BRINP3: variants seen among roughly 807,000 people sequenced by gnomAD.
BRINP3 encodes the protein BMP/retinoic acid inducible neural specific 3, also known as BMP/retinoic acid-inducible neural-specific protein 3.
BRINP3 carries 19 observed loss-of-function variants against 71.0 expected under a neutral mutation model. That is an observed-to-expected ratio of 0.27 (90% CI 0.19 to 0.39). The LOEUF is 0.39. BRINP3 is among the 10% of genes least tolerant of loss of function. BRINP3 has a pLI of 1.00. For missense variants in BRINP3, 959 were observed against 940.8 expected, an observed-to-expected ratio of 1.02 and a Z score of -0.25; for synonymous variants, 380 against 337.7, an observed-to-expected ratio of 1.13 and a Z score of -1.37.
chr1:190,135,533 G>A (rs181287818), intron 7 of BRINP3, among the ~76,000 whole-genome samples: 1 of 152,176 alleles, frequency 6.6e-6, no homozygotes, highest in Non-Finnish European at 1.5e-5. Context: ...TGTAGAAGTA[G>A]CCAGAAATCA....
intron 1 of BRINP3, among the ~76,000 whole-genome samples, chr1:190,470,575 G>C (rs1236631807): frequency 6.6e-6 from 1 of 150,790 alleles, no homozygotes; most frequent in Non-Finnish European, 1.5e-5. Flanking sequence ...TTGCACTGAG[G>C]GTACTTTTTA....
At chr1:190,251,608 G>C (rs764693750) in intron 4 of BRINP3, among the ~76,000 whole-genome samples, 5 of 151,912 alleles carry the variant, frequency 3.3e-5, no homozygotes, top group Non-Finnish European at 5.9e-5. Flanking sequence ...AGATACTTCT[G>C]TCAAACACTT....
intron 3 of BRINP3, among the ~76,000 whole-genome samples, chr1:190,272,778 A>G (rs1302973827): frequency 6.6e-6 from 1 of 151,496 alleles, no homozygotes; most frequent in African/African-American, 2.4e-5. Flanking sequence ...TCTTCTCTAC[A>G]GTATAATTTT....
intron 2 of BRINP3, among the ~76,000 whole-genome samples, chr1:190,305,717 G>A (rs1348229188): frequency 6.6e-6 from 1 of 151,398 alleles, no homozygotes. Flanking sequence ...GAGATATTTT[G>A]AAATATACAG....
At chr1:190,430,830 C>T (rs1344161150) in intron 2 of BRINP3, among the ~76,000 whole-genome samples, 1 of 152,116 alleles carries the variant, frequency 6.6e-6, no homozygotes, top group African/African-American at 2.4e-5. Flanking sequence ...CTGTGTTTCT[C>T]ACTGTTGGAG....
intron 7 of BRINP3, among the ~76,000 whole-genome samples, chr1:190,101,028 C>T (rs1254157412): frequency 6.6e-6 from 1 of 152,138 alleles, no homozygotes; most frequent in Non-Finnish European, 1.5e-5. Flanking sequence ...GTCTTGCCCT[C>T]TCTTTGCTCT....
intron 2 of BRINP3, among the ~76,000 whole-genome samples, chr1:190,301,530 T>TC (rs1664738186): frequency 6.6e-6 from 1 of 151,536 alleles, no homozygotes; most frequent in Non-Finnish European, 1.5e-5. Context: ...TTCATTTATC[T>TC]CTTTCCTTCC....
intron 4 of BRINP3, among the ~76,000 whole-genome samples, chr1:190,255,226 A>G (rs1212930965): frequency 1.3e-5 from 2 of 149,954 alleles, no homozygotes; most frequent in African/African-American, 5.0e-5. Context: ...ATATTGGTCT[A>G]AAATTCTCTC....
intron 7 of BRINP3, among the ~76,000 whole-genome samples, chr1:190,136,883 G>A (rs1314178172): frequency 6.6e-6 from 1 of 151,796 alleles, no homozygotes; most frequent in African/African-American, 2.4e-5. Context: ...TTAAACACTT[G>A]AAATTCAACC....
intron 2 of BRINP3, among the ~76,000 whole-genome samples, chr1:190,344,745 A>T (rs1667900905): frequency 6.6e-6 from 1 of 151,818 alleles, no homozygotes; most frequent in East Asian, 1.9e-4. Flanking sequence ...TAACATAATA[A>T]ATAATCTAGC....
At chr1:190,172,930 C>T (rs181834358) in intron 6 of BRINP3, among the ~76,000 whole-genome samples, 114 of 152,256 alleles carry the variant, frequency 7.5e-4, no homozygotes, top group African/African-American at 2.4e-3. Context: ...TGCAACCTCT[C>T]GGACCTGTCT....
intron 4 of BRINP3, among the ~76,000 whole-genome samples, chr1:190,238,714 A>C (rs746124947): frequency 6.6e-6 from 1 of 152,162 alleles, no homozygotes; most frequent in Non-Finnish European, 1.5e-5. Context: ...TCACTTTAGA[A>C]AATTCTTTGA....
At chr1:190,122,777 A>T (rs1470616802) in intron 7 of BRINP3, among the ~76,000 whole-genome samples, 2 of 152,172 alleles carry the variant, frequency 1.3e-5, no homozygotes, top group Non-Finnish European at 2.9e-5. Flanking sequence ...ACTTTGAAAG[A>T]ATAAATATCT....
chr1:190,198,468 T>C (rs1654696342), intron 6 of BRINP3, among the ~76,000 whole-genome samples: 1 of 152,132 alleles, frequency 6.6e-6, no homozygotes, highest in Admixed American at 6.6e-5. Flanking sequence ...ATTCCAACCA[T>C]ATATTTGTGA....
At chr1:190,269,044 A>G (rs1332310511) in intron 3 of BRINP3, among the ~76,000 whole-genome samples, 1 of 152,164 alleles carries the variant, frequency 6.6e-6, no homozygotes, top group African/African-American at 2.4e-5. Flanking sequence ...GAATGAGAAC[A>G]TCTTACCATA....
intron 6 of BRINP3, among the ~76,000 whole-genome samples, chr1:190,185,397 G>C (rs1456277244): frequency 1.3e-5 from 2 of 151,838 alleles, no homozygotes; most frequent in African/African-American, 4.8e-5. Flanking sequence ...ACCACAATGA[G>C]ATAACATTTC....
At position 190,464,168 on chromosome 1, in the gene BRINP3, G is replaced by T. The variant is rs906189143; in HGVS notation, c.-50-9228C>A. ...TTTTAAAAAAAAAAGTAAACTAAAAGTTAGTGATAATCCTTAAAGAAAAAT... is the reference window on the plus strand; with the variant it reads ...TTTTAAAAAAAAAAGTAAACTAAAATTTAGTGATAATCCTTAAAGAAAAAT... On this transcript the variant is annotated intron_variant, in intron 1 of 7. Transcript: ENST00000367462. 7.3e-5 allele frequency among the ~76,000 whole-genome samples: 11 copies of T among 150,490 alleles called. 1 individual carries two copies. The highest frequency in any genetic ancestry group is 1.5e-4 in the Non-Finnish European group (10 of 67,548).
intron 2 of BRINP3, among the ~76,000 whole-genome samples, chr1:190,381,237 C>T (rs943321340): frequency 2.0e-5 from 3 of 151,932 alleles, no homozygotes; most frequent in African/African-American, 7.3e-5. Context: ...CTCACTATGT[C>T]AATATTTTGC....
intron 6 of BRINP3, among the ~76,000 whole-genome samples, chr1:190,198,328 A>G (rs554980226): frequency 6.6e-6 from 1 of 152,280 alleles, no homozygotes; most frequent in African/African-American, 2.4e-5. Context: ...GCTCTTTGTA[A>G]CTTACACAAA....
Sources: gnomAD v4.1 joint callset for allele counts (sites outside exome capture counted in the v4.1 genomes callset) on GRCh38, gnomAD v4.1.1 for gene constraint, MANE v1.5 for transcripts, NCBI Gene and HGNC (gene_info 2026-07-23, HGNC 2026-07-21) for gene names.